The following TMEM171 variants were observed in gnomAD, a reference collection of about 807,000 sequenced individuals.
The protein encoded by TMEM171 is transmembrane protein 171, also known as proline-rich protein PRP2.
In TMEM171, 16 loss-of-function variants were observed where a neutral mutation model predicts 19.1. That is an observed-to-expected ratio of 0.84 (90% confidence interval 0.57 to 1.27). TMEM171 has a LOEUF of 1.27. Ranked by LOEUF, TMEM171 falls within the 50% of genes most tolerant of loss-of-function variation. The pLI is 0.00. For synonymous variants in TMEM171, 153 were observed against 163.4 expected, an observed-to-expected ratio of 0.94 and a Z score of 0.48; for missense variants, 429 against 412.7, an observed-to-expected ratio of 1.04 and a Z score of -0.34.
intron 1 of TMEM171, 33 bp from the exon 2 acceptor site, chr5:73,123,273 C>A: frequency 1.6e-5 from 24 of 1,511,138 alleles, no homozygotes; most frequent in Non-Finnish European, 2.1e-5. Flanking sequence ...ACACCTGTGC[C>A]CACGTTAATT....
Position 73,123,463 on chromosome 5 carries a change from C to T in TMEM171, c.90C>T (p.Ala30=), listed in dbSNP as rs755811119. 9.9e-6 allele frequency: 16 copies of T among 1,614,046 alleles called. No individual in the cohort carries two copies. Among genetic ancestry groups the T allele is most frequent in the East Asian group, 4.5e-5 (2 of 44,896 alleles). Residue 30 remains alanine (A), a synonymous_variant, in exon 2 of 4, where the codon GCC becomes GCT. Coordinates refer to ENST00000454765, the MANE Select transcript of TMEM171 (RefSeq NM_173490.8). The part of the protein sequence containing the change: ...KLIFCFFVFG[A]VLLCVGVLLS... ...TCTTCTGCTTCTTTGTCTTCGGCGC[C>T]GTCTTGTTGTGTGTGGGAGTCCTGC...
At chr5:73,126,191 G>A (rs570888) in intron 2 of TMEM171, among the ~76,000 whole-genome samples, 53,962 of 152,002 alleles carry the variant, frequency 0.36, 11,022 homozygotes, top group East Asian at 0.57. Context: ...AGAGGTGATT[G>A]GCCTGCCCTC....
chr5:73,131,760 A>C lies in TMEM171; in HGVS notation c.*30A>C, dbSNP rs375389928. The C allele has an allele frequency of 1.7e-3, 2,634 of 1,511,048 alleles. 69 individuals carry two copies. The South Asian group carries it at 0.031, about 18-fold the overall frequency. The allele number at this position is 1,511,048 out of a possible 1,614,324, so 93.6% of individuals were successfully genotyped here. ...TGGACTCTAGTTCAGTTTTATATGC[A>C]ATGGATCACTATTTTATTTAATTTT... On this transcript the variant is annotated 3_prime_UTR_variant, in exon 4 of 4. Transcript: ENST00000454765.
intron 2 of TMEM171, among the ~76,000 whole-genome samples, chr5:73,126,916 A>C (rs1287535450): frequency 6.6e-6 from 1 of 152,194 alleles, no homozygotes; most frequent in Non-Finnish European, 1.5e-5. Context: ...TGTGTGGTGC[A>C]TTTTATATTG....
In TMEM171 at chr5:73,123,586, TGG is replaced by T; in HGVS notation, c.216_217del (p.Ala73CysfsTer111). ...GGCCTGCATGTGCCGTGGTTGGGCT[TGG>T]GGCTGTGATCCTGGCCCGCTCCCGG... ...AGPACAVVGL[G>X]AVILARSRAQ... On this transcript the variant is annotated frameshift_variant, in exon 2 of 4. Transcript: ENST00000454765. LOFTEE classifies it high-confidence loss of function. The T allele has an allele frequency of 6.2e-7, 1 of 1,614,218 alleles. No homozygotes were observed. The highest frequency in any genetic ancestry group is 8.5e-7 in the Non-Finnish European group (1 of 1,180,042).
chr5:73,125,473 C>G (rs6414951), intron 2 of TMEM171, among the ~76,000 whole-genome samples: 123,532 of 152,194 alleles, frequency 0.81, 50,787 homozygotes, highest in African/African-American at 0.95. Context: ...ACCCAAGTGT[C>G]TGGGCACACC....
Position 73,128,576 on chromosome 5 carries a change from C to T in TMEM171, c.782+45C>T, listed in dbSNP as rs1204195274. 7 of 1,609,188 alleles carry T rather than the reference C, an allele frequency of 4.4e-6. No individual in the cohort carries two copies. The African/African-American group carries it at 5.4e-5, about 12-fold the overall frequency. On this transcript the variant is annotated intron_variant, in intron 3 of 3. Coordinates refer to ENST00000454765, the MANE Select transcript of TMEM171 (RefSeq NM_173490.8). Reference sequence around the variant, plus strand: ...CTTCAAGAGAGGCCTGAATTCAGGCCACACTAGTATTAAGGCTGTGTGGTT... The same window carrying T: ...CTTCAAGAGAGGCCTGAATTCAGGCTACACTAGTATTAAGGCTGTGTGGTT...
chr5:73,131,524 C>G lies in TMEM171; in HGVS notation c.783-14C>G. On this transcript the variant is annotated splice_polypyrimidine_tract_variant and intron_variant, in intron 3 of 3. Transcript: ENST00000454765. ...TCATCCCCTCCCCTTCATGTTCTCT[C>G]TCCTTCTCTTTAGCAGGACCCCAAC... 2 of 1,581,006 alleles carry G rather than the reference C, an allele frequency of 1.3e-6. No individual in the cohort carries two copies. The highest frequency in any genetic ancestry group is 1.7e-6 in the Non-Finnish European group (2 of 1,165,884).
chr5:73,127,181 T>C (rs1423003449), intron 2 of TMEM171, among the ~76,000 whole-genome samples: 2 of 151,798 alleles, frequency 1.3e-5, no homozygotes, highest in African/African-American at 4.8e-5. Context: ...TGAATTAAAG[T>C]TGTAGGCTGA....
Position 73,123,653 on chromosome 5 carries a change from C to G in TMEM171, c.280C>G (p.Gln94Glu). The G allele has an allele frequency of 6.2e-7, 1 of 1,614,220 alleles. No individual in the cohort carries two copies. Among genetic ancestry groups the G allele is most frequent in the Non-Finnish European group, 8.5e-7 (1 of 1,180,028 alleles). Residue 94 changes from glutamine to glutamate, a missense_variant, in exon 2 of 4, where the codon CAG (glutamine) becomes GAG (glutamate). By Grantham distance (29) the Gln-to-Glu change is conservative. Coordinates refer to ENST00000454765, the MANE Select transcript of TMEM171 (RefSeq NM_173490.8). ...QLRAGLQRGQ[Q>E]MDPDRAFICG... Reference sequence around the variant, plus strand: ...CCGTGCAGGGCTGCAGAGAGGTCAGCAGATGGACCCCGACCGAGCCTTCAT... The same window carrying G: ...CCGTGCAGGGCTGCAGAGAGGTCAGGAGATGGACCCCGACCGAGCCTTCAT...
intron 2 of TMEM171, among the ~76,000 whole-genome samples, chr5:73,127,384 A>AAAAAAAAAAAAAAATATATATATAT: frequency 1.2e-5 from 1 of 81,692 alleles, no homozygotes; most frequent in East Asian, 3.4e-4. Context: ...AAAAAAAAAA[A>AAAAAAAAAAAAAAATATATATATAT]ATATATATAT....
chr5:73,129,763 C>T (rs1004968942), intron 3 of TMEM171, among the ~76,000 whole-genome samples: 3 of 152,190 alleles, frequency 2.0e-5, no homozygotes, highest in African/African-American at 7.2e-5. Flanking sequence ...AGGGGATCCC[C>T]AACAGTTACA....
Position 73,127,383 on chromosome 5 carries a change from A to T in TMEM171, c.641-1007A>T, listed in dbSNP as rs13167623. Among the ~76,000 whole-genome samples, 6 of 100,030 alleles carry T rather than the reference A, an allele frequency of 6.0e-5. 1 individual carries two copies. Among genetic ancestry groups the T allele is most frequent in the African/African-American group, 1.3e-4 (3 of 22,524 alleles). 65.6% of individuals were successfully genotyped at this position (100,030 alleles called of 152,430 possible). A position where few individuals can be genotyped will look rare whatever the true frequency, so the allele number is the denominator to read the frequency against. ...AAAATTTGTGGTAAAAAAAAAAAAA[A>T]AATATATATATATATATATATATAA... On this transcript the variant is annotated intron_variant, in intron 2 of 3. Transcript: ENST00000454765.
chr5:73,124,133 T>TGTGTGC, intron 2 of TMEM171, 120 bp downstream of exon 2: 19 of 891,096 alleles, frequency 2.1e-5, no homozygotes, highest in Non-Finnish European at 3.2e-5. Context: ...CTCACACATG[T>TGTGTGC]GTGTGCACAC....
intron 2 of TMEM171, among the ~76,000 whole-genome samples, chr5:73,127,384 A>ATATATATATATATATAT (rs1554078607): frequency 2.0e-4 from 16 of 81,670 alleles, no homozygotes; most frequent in African/African-American, 6.6e-4. Context: ...AAAAAAAAAA[A>ATATATATATATATATAT]ATATATATAT....
At position 73,120,687 on chromosome 5, in the gene TMEM171, C is replaced by G; in HGVS notation, c.-78C>G. On this transcript the variant is annotated 5_prime_UTR_variant, in exon 1 of 4. Transcript: ENST00000454765. ...CAGCGCGGTCAGCCAGGCGCCGGAC[C>G]CAGCTTCAGGTAAGCTGCCCCGGCC... is the stretch of plus-strand genomic sequence containing the variant. 2.0e-6 allele frequency: 2 copies of G among 984,196 alleles called. No homozygotes were observed. The highest frequency in any genetic ancestry group is 9.4e-5 in the South Asian group (2 of 21,296). The allele number at this position is 984,196 out of a possible 1,614,324, so 61.0% of individuals were successfully genotyped here. A position where few individuals can be genotyped will look rare whatever the true frequency, so the allele number is the denominator to read the frequency against.
intron 3 of TMEM171, among the ~76,000 whole-genome samples, chr5:73,129,838 C>G (rs1379263870): frequency 1.3e-5 from 2 of 152,174 alleles, no homozygotes; most frequent in East Asian, 3.9e-4. Flanking sequence ...GAGCCCCGAT[C>G]CAACACAACT....
chr5:73,120,815 C>A, intron 1 of TMEM171, 119 bp downstream of exon 1: 17 of 875,108 alleles, frequency 1.9e-5, no homozygotes, highest in Non-Finnish European at 2.3e-5. Context: ...CCGAGCCCAA[C>A]CTGCGTCCCT....
Sources: allele counts gnomAD v4.1 joint callset (sites outside exome capture counted in the v4.1 genomes callset), GRCh38; gene constraint gnomAD v4.1.1; transcripts MANE v1.5; gene names NCBI Gene and HGNC (gene_info 2026-07-23, HGNC 2026-07-21).